The following IARS2 variants were observed in gnomAD, a reference collection of about 807,000 sequenced individuals.
IARS2 encodes isoleucine--tRNA ligase, mitochondrial.
IARS2 carries 56 observed loss-of-function variants against 126.3 expected under a neutral mutation model. The ratio of observed to expected loss-of-function variants is 0.44; its 90% CI spans 0.36 to 0.55. The LOEUF (loss-of-function observed/expected upper bound fraction) is 0.55. Ranked by LOEUF, IARS2 falls within the 20% of genes least tolerant of loss-of-function variation. The pLI is 0.00. For missense variants in IARS2, 1,127 were observed against 1,245.9 expected (o/e 0.90, Z 1.44); for synonymous variants, 407 against 441.1 (o/e 0.92, Z 0.97).
At chr1:220,102,871 G>A in intron 7 of IARS2, 94 bp downstream of exon 7, 1 of 761,078 alleles carries the variant, frequency 1.3e-6, no homozygotes. Context: ...GTTTATTATT[G>A]TAAAATTTAA....
chr1:220,095,788 A>T (rs1333724545), intron 1 of IARS2, among the ~76,000 whole-genome samples: 1 of 152,234 alleles, frequency 6.6e-6, no homozygotes. Flanking sequence ...GGGGGTGAGG[A>T]GTGAAGCATG....
intron 12 of IARS2, among the ~76,000 whole-genome samples, chr1:220,121,271 A>G (rs989348788): frequency 6.6e-6 from 1 of 152,208 alleles, no homozygotes; most frequent in Non-Finnish European, 1.5e-5. Flanking sequence ...CCTCCTCACT[A>G]AGAGACTTTT....
intron 12 of IARS2, chr1:220,117,997 G>T: frequency 2.2e-6 from 1 of 448,570 alleles, no homozygotes; most frequent in East Asian, 6.3e-5. Context: ...GATCTTTTTG[G>T]TGTTACAAAA....
chr1:220,146,154 A>G (rs1434064926), intron 22 of IARS2, among the ~76,000 whole-genome samples: 1 of 152,164 alleles, frequency 6.6e-6, no homozygotes, highest in East Asian at 1.9e-4. Flanking sequence ...TTTTGTCGAT[A>G]TTTGTTTTAT....
At position 220,102,736 on chromosome 1, in the gene IARS2, G is replaced by T. The variant is rs1366072787; in HGVS notation, c.909G>T (p.Thr303=). 1 of 1,613,598 alleles carries T rather than the reference G, an allele frequency of 6.2e-7. No homozygotes were observed. Among genetic ancestry groups the T allele is most frequent in the Middle Eastern group, 1.6e-4 (1 of 6,062 alleles). Residue 303 remains threonine, a synonymous_variant, in exon 7 of 23, where the codon ACG becomes ACT. Coordinates refer to ENST00000366922, the MANE Select transcript of IARS2 (RefSeq NM_018060.4). ...SILVWTTQPW[T]IPANEAVCYM... ...TGGTCTGGACCACACAACCTTGGACGATTCCAGCCAATGAAGCTGTTTGCT... is the reference window on the plus strand; with the variant it reads ...TGGTCTGGACCACACAACCTTGGACTATTCCAGCCAATGAAGCTGTTTGCT...
rs993939182 is a variant in IARS2, at chr1:220,114,560, C to T, written c.1640+86C>T. The T allele has an allele frequency of 5.0e-6, 5 of 996,922 alleles. No homozygotes were observed. The African/African-American group carries it at 8.2e-5, about 16-fold the overall frequency. The allele number at this position is 996,922 out of a possible 1,614,324, so 61.8% of individuals were successfully genotyped here. A position where few individuals can be genotyped will look rare whatever the true frequency, so the allele number is the denominator to read the frequency against. On this transcript the variant is annotated intron_variant, in intron 12 of 22. Transcript: ENST00000366922. ...GAAAAATAATGTGGATGATTAAGAACCGTTTATATATGTTAAATAAAATAT... is the reference window on the plus strand; with the variant it reads ...GAAAAATAATGTGGATGATTAAGAATCGTTTATATATGTTAAATAAAATAT...
rs116823205 is a variant in IARS2 at position 220,094,327 on chromosome 1, G to C, written c.111G>C (p.Thr37=). The C allele has an allele frequency of 0.01, 16,404 of 1,612,858 alleles. 111 individuals carry two copies. Among genetic ancestry groups the C allele is most frequent in the Non-Finnish European group, 0.012 (13,918 of 1,179,556 alleles). ...GCAGCCCGGGATGGCAAGGGGCGAC[G>C]AAGAGGCTTCTGGTGCGGTCGGTCT... is the stretch of plus-strand genomic sequence containing the variant. ...LPCSPGWQGA[T]KRLLVRSVSG... The change falls in exon 1 of 23, where the codon ACG becomes ACC. Residue 37 remains threonine, a synonymous_variant. Transcript: ENST00000366922.
In IARS2 at chr1:220,104,814, G is replaced by A. The variant is rs937419481; in HGVS notation, c.1067-1077G>A. On this transcript the variant is annotated intron_variant, in intron 8 of 22. Transcript: ENST00000366922. ...CTCCCAAAGTGGTAGGATTATAGAC[G>A]TGAGCCACCATGCCTGGGCTAAAAT... Among the ~76,000 whole-genome samples, 73 of 151,834 alleles carry A rather than the reference G, an allele frequency of 4.8e-4. 2 individuals carry two copies. Among genetic ancestry groups the A allele is most frequent in the Non-Finnish European group, 1.0e-4 (7 of 67,958 alleles).
chr1:220,126,283 A>C (rs913360329), intron 13 of IARS2, among the ~76,000 whole-genome samples: 3 of 152,040 alleles, frequency 2.0e-5, no homozygotes, highest in African/African-American at 7.2e-5. Flanking sequence ...TCAAAAACAA[A>C]ACAAATCAAA....
chr1:220,141,001 A>G (rs921240161), intron 19 of IARS2, among the ~76,000 whole-genome samples: 2 of 151,654 alleles, frequency 1.3e-5, no homozygotes, highest in African/African-American at 2.4e-5. Flanking sequence ...AAAAAAAAAA[A>G]AGATTGGGTT....
intron 14 of IARS2, among the ~76,000 whole-genome samples, chr1:220,130,660 C>G (rs903145223): frequency 1.3e-5 from 2 of 152,016 alleles, no homozygotes; most frequent in African/African-American, 4.8e-5. Context: ...TGGGTTCACG[C>G]CATTCTCCTG....
chr1:220,121,725 A>C (rs558057404), intron 12 of IARS2, among the ~76,000 whole-genome samples: 1 of 152,250 alleles, frequency 6.6e-6, no homozygotes, highest in South Asian at 2.1e-4. Flanking sequence ...GATTATAGTC[A>C]TGAGCCACCG....
At chr1:220,128,078 C>A (rs1657189022) in intron 14 of IARS2, among the ~76,000 whole-genome samples, 1 of 152,080 alleles carries the variant, frequency 6.6e-6, no homozygotes, top group Non-Finnish European at 1.5e-5. Flanking sequence ...GTTCTGACTG[C>A]ACAGGTCTAC....
Position 220,147,739 on chromosome 1 carries a change from T to A in IARS2, c.*104T>A. The A allele has an allele frequency of 8.8e-7, 1 of 1,141,062 alleles. No homozygotes were observed. The highest frequency in any genetic ancestry group is 2.4e-5 in the East Asian group (1 of 42,050). The allele number at this position is 1,141,062 out of a possible 1,614,324, so 70.7% of individuals were successfully genotyped here. ...AGAAAGCCAAGATTTAGGTAATGAG[T>A]GGATGAGTAAATGGTGGAGGATGGG... On this transcript the variant is annotated 3_prime_UTR_variant, in exon 23 of 23. Transcript: ENST00000366922.
intron 11 of IARS2, among the ~76,000 whole-genome samples, chr1:220,112,602 AG>A (rs1197727655): frequency 7.6e-6 from 1 of 130,990 alleles, no homozygotes; most frequent in Non-Finnish European, 1.6e-5. Context: ...TCTGTCACCC[AG>A]GCTGGAGTGC....
chr1:220,105,227 A>G (rs1656654216), intron 8 of IARS2, among the ~76,000 whole-genome samples: 1 of 152,232 alleles, frequency 6.6e-6, no homozygotes, highest in Non-Finnish European at 1.5e-5. Flanking sequence ...GACATGAGCT[A>G]CTGCACCCAG....
Position 220,094,325 on chromosome 1 carries a change from A to C in IARS2, c.109A>C (p.Thr37Pro). The part of the protein sequence containing the change: ...LPCSPGWQGA[T>P]KRLLVRSVSG... ...CTGCAGCCCGGGATGGCAAGGGGCG[A>C]CGAAGAGGCTTCTGGTGCGGTCGGT... is the stretch of plus-strand genomic sequence containing the variant. The change falls in exon 1 of 23, where the codon ACG becomes CCG. Residue 37 changes from threonine (T) to proline (P), a missense_variant. Transcript: ENST00000366922. The C allele has an allele frequency of 6.2e-7, 1 of 1,612,828 alleles. No homozygotes were observed.
chr1:220,101,247 C>T (rs1042645790), intron 3 of IARS2, among the ~76,000 whole-genome samples: 1 of 152,026 alleles, frequency 6.6e-6, no homozygotes, highest in African/African-American at 2.4e-5. Flanking sequence ...AATAATTTTT[C>T]CAGTTTATTT....
chr1:220,134,272 C>G, intron 14 of IARS2, 130 bp from the exon 15 acceptor site: 1 of 594,620 alleles, frequency 1.7e-6, no homozygotes, highest in Non-Finnish European at 2.8e-6. Context: ...AAGGTGGCAT[C>G]TGTCAGTTTT....
Sources: gnomAD v4.1 joint callset for allele counts (sites outside exome capture counted in the v4.1 genomes callset) on GRCh38, gnomAD v4.1.1 for gene constraint, MANE v1.5 for transcripts, NCBI Gene and HGNC (gene_info 2026-07-23, HGNC 2026-07-21) for gene names.